The following RGS7 variants were observed in gnomAD, a reference collection of about 807,000 sequenced individuals.
RGS7 encodes regulator of G-protein signaling 7.
Under a neutral mutation model 81.1 loss-of-function variants are expected in RGS7, and 27 were observed. That is an observed-to-expected ratio of 0.33 (90% confidence interval 0.25 to 0.46). The LOEUF (loss-of-function observed/expected upper bound fraction) is 0.46, where lower values mean the gene tolerates loss of function less well. RGS7 is among the 20% of genes least tolerant of loss of function. RGS7 has a pLI of 1.00. For synonymous variants in RGS7, 208 were observed against 207.7 expected (o/e 1.00, Z -0.01); for missense variants, 396 against 607.4 (o/e 0.65, Z 3.66).
At chr1:240,856,663 T>C (rs1356302942) in intron 9 of RGS7, among the ~76,000 whole-genome samples, 2 of 152,172 alleles carry the variant, frequency 1.3e-5, no homozygotes, top group Non-Finnish European at 2.9e-5. Context: ...CAGAACAACA[T>C]GTGGGGTGTC....
chr1:241,116,801 C>T (rs1040595177), intron 2 of RGS7, among the ~76,000 whole-genome samples: 5 of 152,018 alleles, frequency 3.3e-5, no homozygotes, highest in African/African-American at 1.2e-4. Flanking sequence ...TGTTCAGTAT[C>T]CTCCTTCCAG....
chr1:240,788,128 T>C (rs1017448785), intron 18 of RGS7, among the ~76,000 whole-genome samples: 4 of 152,218 alleles, frequency 2.6e-5, no homozygotes, highest in African/African-American at 9.6e-5. Flanking sequence ...CAGATTTAAT[T>C]TGCTAGCAAC....
At chr1:240,884,313 T>A (rs1343076244) in intron 6 of RGS7, among the ~76,000 whole-genome samples, 1 of 152,132 alleles carries the variant, frequency 6.6e-6, no homozygotes, top group Non-Finnish European at 1.5e-5. Flanking sequence ...TGTGGGTTGA[T>A]CCATTGACAA....
At chr1:240,890,822 G>A (rs543602622) in intron 6 of RGS7, among the ~76,000 whole-genome samples, 2 of 150,264 alleles carry the variant, frequency 1.3e-5, no homozygotes, top group East Asian at 3.9e-4. Context: ...AGTTGTCTGG[G>A]AAGAGCCATT....
intron 2 of RGS7, among the ~76,000 whole-genome samples, chr1:241,232,191 A>G (rs2075700878): frequency 2.0e-5 from 2 of 100,562 alleles, no homozygotes; most frequent in East Asian, 5.5e-4. Flanking sequence ...GTATATGTCT[A>G]TTCTCTCTCT....
At chr1:241,103,902 A>C (rs2064936856) in intron 2 of RGS7, among the ~76,000 whole-genome samples, 1 of 152,140 alleles carries the variant, frequency 6.6e-6, no homozygotes, top group African/African-American at 2.4e-5. Context: ...ATAATCAAAC[A>C]AGACCTTATA....
At chr1:240,982,422 C>CAAAAA (rs10567618) in intron 4 of RGS7, among the ~76,000 whole-genome samples, 1 of 66,216 alleles carries the variant, frequency 1.5e-5, no homozygotes, top group African/African-American at 6.2e-5. Flanking sequence ...AACTCTGCCT[C>CAAAAA]AAAAAAAAAA....
downstream of RGS7, chr1:240,775,378 T>G (rs1017806037): frequency 6.6e-6 from 1 of 152,226 alleles, no homozygotes; most frequent in Non-Finnish European, 1.5e-5. Context: ...CTGGCTTCCG[T>G]ACTATCCAAG....
chr1:241,021,591 T>C (rs2059539006), intron 3 of RGS7, among the ~76,000 whole-genome samples: 4 of 152,136 alleles, frequency 2.6e-5, no homozygotes, highest in Admixed American at 2.0e-4. Flanking sequence ...CTGAGTGTCA[T>C]GTGGACTGTT....
At chr1:241,175,867 A>G (rs1270403578) in intron 2 of RGS7, among the ~76,000 whole-genome samples, 1 of 152,246 alleles carries the variant, frequency 6.6e-6, no homozygotes, top group Non-Finnish European at 1.5e-5. Context: ...ACAAGTGCAG[A>G]GGCCCATTTA....
At chr1:240,928,207 C>T (rs1674794645) in intron 6 of RGS7, among the ~76,000 whole-genome samples, 4 of 152,160 alleles carry the variant, frequency 2.6e-5, no homozygotes, top group African/African-American at 7.2e-5. Context: ...GGTTGTAGTG[C>T]GAAGGCCTAC....
intron 6 of RGS7, 71 bp downstream of exon 6, chr1:240,930,646 A>G (rs1230320379): frequency 2.1e-6 from 3 of 1,407,212 alleles, no homozygotes; most frequent in East Asian, 2.3e-5. Flanking sequence ...GAAAAAAGCA[A>G]TAAAACGCAA....
intron 3 of RGS7, among the ~76,000 whole-genome samples, chr1:241,093,071 T>C (rs184482602): frequency 4.3e-4 from 66 of 152,308 alleles, no homozygotes; most frequent in African/African-American, 1.6e-3. Context: ...TAGTTTATTA[T>C]AAAATACATT....
intron 3 of RGS7, among the ~76,000 whole-genome samples, chr1:241,086,491 T>C (rs956915146): frequency 1.3e-5 from 2 of 152,050 alleles, no homozygotes; most frequent in African/African-American, 4.8e-5. Flanking sequence ...GTGCATCCTA[T>C]TTTTTCTTAA....
At chr1:240,857,014 T>C (rs1471225106) in intron 9 of RGS7, among the ~76,000 whole-genome samples, 1 of 152,170 alleles carries the variant, frequency 6.6e-6, no homozygotes, top group African/African-American at 2.4e-5. Context: ...CTATATGGCA[T>C]ACAAAGACAC....
intron 3 of RGS7, among the ~76,000 whole-genome samples, chr1:241,031,537 CT>C (rs576769087): frequency 9.9e-4 from 150 of 152,168 alleles, no homozygotes; most frequent in Non-Finnish European, 1.9e-3. Context: ...TTTTTTAGTA[CT>C]TTGAAAAATC....
chr1:241,335,289 G>T (rs2082180150), intron 2 of RGS7, among the ~76,000 whole-genome samples: 1 of 152,126 alleles, frequency 6.6e-6, no homozygotes, highest in Non-Finnish European at 1.5e-5. Flanking sequence ...TCAACAGATT[G>T]TCCAAATCAA....
At chr1:241,090,487 G>C (rs1210515363) in intron 3 of RGS7, among the ~76,000 whole-genome samples, 1 of 152,050 alleles carries the variant, frequency 6.6e-6, no homozygotes, top group Non-Finnish European at 1.5e-5. Context: ...CTGGAGTTCA[G>C]AGAAAAGGTC....
chr1:241,040,374 A>C (rs1195835936), intron 3 of RGS7, among the ~76,000 whole-genome samples: 1 of 152,210 alleles, frequency 6.6e-6, no homozygotes, highest in Non-Finnish European at 1.5e-5. Flanking sequence ...TGTTTAATGA[A>C]CAGCTTTTTC....
Sources: allele counts gnomAD v4.1 joint callset (sites outside exome capture counted in the v4.1 genomes callset), GRCh38; gene constraint gnomAD v4.1.1; transcripts MANE v1.5; gene names NCBI Gene and HGNC (gene_info 2026-07-23, HGNC 2026-07-21).